The following PTPRK variants were observed in gnomAD, a reference collection of about 807,000 sequenced individuals.
PTPRK encodes protein tyrosine phosphatase receptor type K.
In PTPRK, 75 loss-of-function variants were observed where a neutral mutation model predicts 178.0. The observed-to-expected ratio is 0.42, with a 90% CI of 0.35 to 0.51. PTPRK has a LOEUF of 0.51. Ranked by LOEUF, PTPRK falls within the 20% of genes least tolerant of loss-of-function variation. The pLI, the probability that PTPRK is intolerant of heterozygous loss-of-function variation, is 0.02. For missense variants in PTPRK, 1,441 were observed against 1,797.8 expected, an observed-to-expected ratio of 0.80 and a Z score of 3.59; for synonymous variants, 637 against 620.6, an observed-to-expected ratio of 1.03 and a Z score of -0.39.
chr6:128,049,927 G>A lies in PTPRK; in HGVS notation c.2194+14831C>T, dbSNP rs994525302. On this transcript the variant is annotated intron_variant, in intron 13 of 29. Coordinates refer to ENST00000368226, the MANE Select transcript of PTPRK (RefSeq NM_002844.4). ...CAAAGCGGGTGGAGCACCTGAGGTC[G>A]GGAGTTCAAGACCAGCCTGACCAAC... Among the ~76,000 whole-genome samples, 3 of 152,194 alleles carry A rather than the reference G, an allele frequency of 2.0e-5. 1 individual carries two copies. In the East Asian group the frequency reaches 5.8e-4, roughly 29 times the overall value.
chr6:127,996,838 T>G, intron 17 of PTPRK, 63 bp downstream of exon 17: 1 of 1,533,680 alleles, frequency 6.5e-7, no homozygotes, highest in East Asian at 2.4e-5. Flanking sequence ...GGATTTTTCT[T>G]AAAGTTTAAA....
chr6:128,107,675 C>G (rs1474894969), intron 7 of PTPRK, among the ~76,000 whole-genome samples: 1 of 152,146 alleles, frequency 6.6e-6, no homozygotes, highest in Non-Finnish European at 1.5e-5. Flanking sequence ...CATACTATGT[C>G]ATCAAACTTC....
intron 3 of PTPRK, among the ~76,000 whole-genome samples, chr6:128,257,194 C>A (rs1407637534): frequency 2.0e-5 from 3 of 150,512 alleles, no homozygotes; most frequent in Admixed American, 1.3e-4. Flanking sequence ...CACGCCATTG[C>A]ACTCCAGCCT....
At chr6:128,215,087 C>T (rs1255352610) in intron 6 of PTPRK, among the ~76,000 whole-genome samples, 4 of 152,118 alleles carry the variant, frequency 2.6e-5, no homozygotes, top group African/African-American at 9.7e-5. Flanking sequence ...AAAAACTGTG[C>T]TTTCAAACTG....
chr6:128,211,582 T>A (rs1808186442), intron 6 of PTPRK, among the ~76,000 whole-genome samples: 1 of 152,168 alleles, frequency 6.6e-6, no homozygotes, highest in Non-Finnish European at 1.5e-5. Context: ...CATAACATTT[T>A]ATGCATTTTT....
intron 1 of PTPRK, among the ~76,000 whole-genome samples, chr6:128,418,699 G>A (rs779407067): frequency 3.3e-5 from 5 of 152,070 alleles, no homozygotes; most frequent in African/African-American, 4.8e-5. Flanking sequence ...TATGTCCACC[G>A]TATCCAGATC....
At chr6:128,048,211 A>G (rs1022835196) in intron 13 of PTPRK, among the ~76,000 whole-genome samples, 5 of 152,152 alleles carry the variant, frequency 3.3e-5, no homozygotes, top group Non-Finnish European at 5.9e-5. Flanking sequence ...TCAGGGGTAA[A>G]CTCATTAGAA....
intron 6 of PTPRK, among the ~76,000 whole-genome samples, chr6:128,199,204 G>A (rs1805462525): frequency 6.6e-6 from 1 of 152,122 alleles, no homozygotes; most frequent in African/African-American, 2.4e-5. Flanking sequence ...AGCTCAAGGT[G>A]AAAAAGAACC....
rs529693632 is a variant in PTPRK, at chr6:128,298,307, G to A, written c.495+23732C>T. 6.6e-4 allele frequency among the ~76,000 whole-genome samples: 101 copies of A among 152,102 alleles called. 1 individual carries two copies. The highest frequency in any genetic ancestry group is 2.4e-3 in the African/African-American group (99 of 41,404). On this transcript the variant is annotated intron_variant, in intron 3 of 29. Coordinates refer to ENST00000368226, the MANE Select transcript of PTPRK (RefSeq NM_002844.4). Reference sequence around the variant, plus strand: ...CCGAATTCTACCAAAGGTACAAGGAGGAACTGGTACCATTCCTTCTGAAAC... The same window carrying A: ...CCGAATTCTACCAAAGGTACAAGGAAGAACTGGTACCATTCCTTCTGAAAC...
At chr6:128,033,526 G>A (rs1775699899) in intron 13 of PTPRK, among the ~76,000 whole-genome samples, 1 of 152,168 alleles carries the variant, frequency 6.6e-6, no homozygotes, top group Non-Finnish European at 1.5e-5. Flanking sequence ...GGATTTGAAA[G>A]TCAAAGGAAA....
At chr6:128,186,788 T>G (rs1802837791) in intron 6 of PTPRK, among the ~76,000 whole-genome samples, 1 of 152,122 alleles carries the variant, frequency 6.6e-6, no homozygotes, top group African/African-American at 2.4e-5. Context: ...AGTTGATATA[T>G]TCTCAAACCC....
chr6:128,117,971 T>C (rs775315691), intron 7 of PTPRK, among the ~76,000 whole-genome samples: 33 of 152,144 alleles, frequency 2.2e-4, no homozygotes, highest in Non-Finnish European at 3.8e-4. Context: ...AAAATGCTTG[T>C]ATTTTATAAT....
intron 7 of PTPRK, among the ~76,000 whole-genome samples, chr6:128,108,075 C>CAA (rs1268756878): frequency 3.6e-5 from 4 of 111,492 alleles, no homozygotes; most frequent in African/African-American, 1.3e-4. Context: ...GCAAAACACA[C>CAA]ACACACACAC....
chr6:128,144,574 A>C (rs1188656932), intron 7 of PTPRK, among the ~76,000 whole-genome samples: 2 of 152,098 alleles, frequency 1.3e-5, no homozygotes, highest in African/African-American at 4.8e-5. Flanking sequence ...TTCTCAAAAC[A>C]AGATCTTGCC....
At chr6:128,269,290 A>G (rs1184330378) in intron 3 of PTPRK, among the ~76,000 whole-genome samples, 1 of 152,000 alleles carries the variant, frequency 6.6e-6, no homozygotes, top group Admixed American at 6.6e-5. Flanking sequence ...GTAATATGTC[A>G]GGCACTGCTG....
At chr6:128,181,127 CA>C (rs931932314) in intron 7 of PTPRK, among the ~76,000 whole-genome samples, 9 of 151,782 alleles carry the variant, frequency 5.9e-5, no homozygotes, top group Non-Finnish European at 1.3e-4. Flanking sequence ...TACTTGGCCA[CA>C]AAAAAACCTA....
intron 13 of PTPRK, among the ~76,000 whole-genome samples, chr6:128,013,346 C>T (rs1019308005): frequency 1.3e-5 from 2 of 151,394 alleles, no homozygotes; most frequent in African/African-American, 4.8e-5. Flanking sequence ...TAGTTACCAT[C>T]CTGATAACTG....
intron 13 of PTPRK, among the ~76,000 whole-genome samples, chr6:128,023,439 C>G (rs1328718031): frequency 6.6e-6 from 1 of 152,160 alleles, no homozygotes; most frequent in Non-Finnish European, 1.5e-5. Flanking sequence ...CTCAACTCTC[C>G]TTCTGCCCTG....
At position 128,519,756 on chromosome 6, in the gene PTPRK, A is replaced by T. The variant is rs1396169940; in HGVS notation, c.100+503T>A. 1.3e-5 allele frequency among the ~76,000 whole-genome samples: 2 copies of T among 152,146 alleles called. No homozygotes were observed. The highest frequency in any genetic ancestry group is 1.3e-4 in the Admixed American group (2 of 15,272). ...AAAGGGGACTCCGGGAGGGACGGGGAAGTAGTTAGACAATAGTCAGGGGAG... is the reference window on the plus strand; with the variant it reads ...AAAGGGGACTCCGGGAGGGACGGGGTAGTAGTTAGACAATAGTCAGGGGAG... On this transcript the variant is annotated intron_variant, in intron 1 of 29. Transcript: ENST00000368226. The surrounding 1 kb of genome is among the most constrained non-coding windows in gnomAD (Gnocchi z 4.3).
Sources: gnomAD v4.1 joint callset for allele counts (sites outside exome capture counted in the v4.1 genomes callset) on GRCh38, gnomAD v4.1.1 for gene constraint, Gnocchi (gnomAD v3.1) non-coding constraint, MANE v1.5 for transcripts, NCBI Gene and HGNC (gene_info 2026-07-23, HGNC 2026-07-21) for gene names.